Variants in CRYL1 observed in about 807,000 individuals in gnomAD.
CRYL1 encodes lambda-crystallin homolog.
CRYL1 carries 29 observed loss-of-function variants against 36.6 expected under a neutral mutation model. The observed-to-expected ratio is 0.79, with a 90% CI of 0.59 to 1.08. The LOEUF is 1.08. Ranked by LOEUF, CRYL1 falls within the 50% of genes least tolerant of loss-of-function variation. CRYL1 has a pLI of 0.00. For synonymous variants in CRYL1, 152 were observed against 151.5 expected (o/e 1.00, Z -0.02); for missense variants, 411 against 407.9 (o/e 1.01, Z -0.06).
intron 2 of CRYL1, among the ~76,000 whole-genome samples, chr13:20,500,468 G>A (rs904100062): frequency 1.3e-5 from 2 of 152,160 alleles, no homozygotes; most frequent in Non-Finnish European, 2.9e-5. Flanking sequence ...ATGGCCTTGA[G>A]AGAGGTTCTA....
intron 5 of CRYL1, chr13:20,430,581 A>T (rs1045473292): frequency 4.1e-6 from 4 of 985,310 alleles, no homozygotes; most frequent in East Asian, 1.1e-4. Context: ...CAGCAAAAGG[A>T]AACACCAGAG....
intron 3 of CRYL1, among the ~76,000 whole-genome samples, chr13:20,456,733 T>C (rs1053061360): frequency 2.0e-5 from 3 of 151,988 alleles, no homozygotes; most frequent in Non-Finnish European, 4.4e-5. Context: ...TAGCCAGCTA[T>C]GCTCCTGTTA....
chr13:20,461,493 T>A (rs1359518689), intron 3 of CRYL1, among the ~76,000 whole-genome samples: 5 of 152,206 alleles, frequency 3.3e-5, no homozygotes, highest in Non-Finnish European at 7.3e-5. Flanking sequence ...AATTTATTAA[T>A]CTTTATTAAA....
Position 20,431,981 on chromosome 13 carries a change from T to C in CRYL1, c.633+121A>G, listed in dbSNP as rs1003622463. 20 of 1,565,824 alleles carry C rather than the reference T, an allele frequency of 1.3e-5. No homozygotes were observed. In the Admixed American group the frequency reaches 3.8e-4, roughly 30 times the overall value. Reference sequence around the variant, plus strand: ...AGAGCAAGAAGAAGCAAGCAGCCTCTGACTTTCCCAGCTTCCAGGCTGCCC... The same window carrying C: ...AGAGCAAGAAGAAGCAAGCAGCCTCCGACTTTCCCAGCTTCCAGGCTGCCC... On this transcript the variant is annotated intron_variant, in intron 5 of 7. Coordinates refer to ENST00000298248, the MANE Select transcript of CRYL1 (RefSeq NM_015974.3).
rs146207080 is a variant in CRYL1, at chr13:20,501,455, T to G, written c.149+10988A>C. On this transcript the variant is annotated intron_variant, in intron 2 of 7. Coordinates refer to ENST00000298248, the MANE Select transcript of CRYL1 (RefSeq NM_015974.3). ...TGACTCCATGTATAATGCAGCTTCCTGAGGAATAAAGGGCATGGCTAACAT... is the reference window on the plus strand; with the variant it reads ...TGACTCCATGTATAATGCAGCTTCCGGAGGAATAAAGGGCATGGCTAACAT... Among the ~76,000 whole-genome samples, 5 of 152,338 alleles carry G rather than the reference T, an allele frequency of 3.3e-5. No individual in the cohort carries two copies. In the East Asian group the frequency reaches 9.6e-4, roughly 29 times the overall value.
intron 2 of CRYL1, among the ~76,000 whole-genome samples, chr13:20,504,424 C>T (rs944621479): frequency 1.3e-5 from 2 of 151,596 alleles, no homozygotes; most frequent in Non-Finnish European, 2.9e-5. Context: ...CTGCCTCAGC[C>T]TCCTGAGTAG....
intron 2 of CRYL1, among the ~76,000 whole-genome samples, chr13:20,498,166 C>T (rs1210896412): frequency 6.6e-6 from 1 of 151,060 alleles, no homozygotes; most frequent in East Asian, 1.9e-4. Context: ...ATACACACTA[C>T]ATACACCGCA....
In CRYL1 at chr13:20,463,518, G is replaced by C. The variant is rs2032873903; in HGVS notation, c.277-23764C>G. Among the ~76,000 whole-genome samples, 3 of 152,126 alleles carry C rather than the reference G, an allele frequency of 2.0e-5. No individual in the cohort carries two copies. The South Asian group carries it at 6.2e-4, about 31-fold the overall frequency. ...GAGCTTTTACCCTCATCCTCCAATA[G>C]ACTGGAGAAATTTTATCACCCCCTT... On this transcript the variant is annotated intron_variant, in intron 3 of 7. Transcript: ENST00000298248.
At chr13:20,466,732 C>T (rs7318067) in intron 3 of CRYL1, among the ~76,000 whole-genome samples, 145,595 of 151,404 alleles carry the variant, frequency 0.96, 70,236 homozygotes, top group East Asian at 1. Context: ...GCACCTGCTA[C>T]ATAAAATAGT....
intron 5 of CRYL1, among the ~76,000 whole-genome samples, chr13:20,414,901 C>G (rs891547397): frequency 6.6e-6 from 1 of 152,230 alleles, no homozygotes; most frequent in Non-Finnish European, 1.5e-5. Flanking sequence ...TTTTCCCCTA[C>G]GCCTTCACGG....
chr13:20,502,801 C>A (rs114400213), intron 2 of CRYL1, among the ~76,000 whole-genome samples: 1 of 152,048 alleles, frequency 6.6e-6, no homozygotes, highest in Non-Finnish European at 1.5e-5. Context: ...GTATCAAGGC[C>A]CGGTTAAAAA....
chr13:20,432,083 A>G lies in CRYL1; in HGVS notation c.633+19T>C. 1.2e-6 allele frequency: 2 copies of G among 1,613,930 alleles called. No homozygotes were observed. Among genetic ancestry groups the G allele is most frequent in the South Asian group, 1.1e-5 (1 of 91,070 alleles). ...GGGAGAAAGGAAGGGAGGGAGGGAGAGAGGACGGGCACACACACCTCCACT... is the reference window on the plus strand; with the variant it reads ...GGGAGAAAGGAAGGGAGGGAGGGAGGGAGGACGGGCACACACACCTCCACT... On this transcript the variant is annotated intron_variant, in intron 5 of 7. Coordinates refer to ENST00000298248, the MANE Select transcript of CRYL1 (RefSeq NM_015974.3).
At chr13:20,412,248 A>C (rs73441766) in intron 6 of CRYL1, among the ~76,000 whole-genome samples, 2,896 of 151,868 alleles carry the variant, frequency 0.019, 91 homozygotes, top group African/African-American at 0.065. Context: ...CTTTCACTCC[A>C]CTTCCGCCCC....
At chr13:20,470,720 C>G (rs1050280904) in intron 3 of CRYL1, among the ~76,000 whole-genome samples, 2 of 151,930 alleles carry the variant, frequency 1.3e-5, no homozygotes, top group African/African-American at 4.8e-5. Context: ...AACAGCCTGA[C>G]TAACATGGTG....
At chr13:20,428,640 GAC>G (rs2137384850) in intron 5 of CRYL1, among the ~76,000 whole-genome samples, 1 of 152,318 alleles carries the variant, frequency 6.6e-6, no homozygotes, top group South Asian at 2.1e-4. Flanking sequence ...TCAGCAGCAA[GAC>G]ACTGTCACGG....
chr13:20,427,409 C>G, intron 5 of CRYL1: 2 of 614,986 alleles, frequency 3.3e-6, no homozygotes, highest in Non-Finnish European at 4.1e-6. Context: ...CCACGAAGGT[C>G]TAAGGGCTTA....
chr13:20,416,022 G>A (rs1010202732), intron 5 of CRYL1, among the ~76,000 whole-genome samples: 2 of 152,190 alleles, frequency 1.3e-5, no homozygotes, highest in Non-Finnish European at 1.5e-5. Flanking sequence ...CACAGGGCCC[G>A]GGCCGCGGCT....
At chr13:20,507,736 G>C (rs1015605257) in intron 2 of CRYL1, among the ~76,000 whole-genome samples, 22 of 152,114 alleles carry the variant, frequency 1.4e-4, no homozygotes, top group African/African-American at 4.8e-4. Flanking sequence ...GGCTAACACA[G>C]TGAAACCCCG....
intron 5 of CRYL1, among the ~76,000 whole-genome samples, chr13:20,414,602 T>C (rs572082700): frequency 1.4e-4 from 22 of 152,300 alleles, no homozygotes; most frequent in South Asian, 4.1e-4. Flanking sequence ...TAAAAAGTGA[T>C]ATTCTTTGAT....
Sources: allele counts gnomAD v4.1 joint callset (sites outside exome capture counted in the v4.1 genomes callset), GRCh38; gene constraint gnomAD v4.1.1; transcripts MANE v1.5; gene names NCBI Gene and HGNC (gene_info 2026-07-23, HGNC 2026-07-21).